GRID1: variants seen among roughly 807,000 people sequenced by gnomAD.
GRID1 encodes the protein glutamate receptor ionotropic, delta-1.
GRID1 carries 28 observed loss-of-function variants against 98.0 expected under a neutral mutation model. The observed-to-expected ratio is 0.29, with a 90% CI of 0.21 to 0.39. The LOEUF (loss-of-function observed/expected upper bound fraction) is 0.39, where lower values mean the gene tolerates loss of function less well. Among genes scored for constraint, GRID1 ranks in the 10% least tolerant of loss-of-function variants. The probability of loss-of-function intolerance (pLI) is 1.00; values close to 1 mark genes in which losing one functional copy is unlikely to be tolerated. For synonymous variants in GRID1, 553 were observed against 538.5 expected, an observed-to-expected ratio of 1.03 and a Z score of -0.37; for missense variants, 1,111 against 1,340.5, an observed-to-expected ratio of 0.83 and a Z score of 2.67.
At chr10:86,242,822 G>A (rs931521198) in intron 2 of GRID1, among the ~76,000 whole-genome samples, 2 of 152,148 alleles carry the variant, frequency 1.3e-5, no homozygotes, top group Non-Finnish European at 2.9e-5. Context: ...CCACAGATGA[G>A]GAAACTCAGG....
intron 4 of GRID1, among the ~76,000 whole-genome samples, chr10:85,996,585 C>A (rs1842740916): frequency 6.6e-6 from 1 of 151,930 alleles, no homozygotes; most frequent in Admixed American, 6.6e-5. Flanking sequence ...CATCAGGGAC[C>A]TATGAAACAA....
intron 2 of GRID1, among the ~76,000 whole-genome samples, chr10:86,233,607 G>A (rs551645826): frequency 6.6e-6 from 1 of 152,302 alleles, no homozygotes; most frequent in Non-Finnish European, 1.5e-5. Flanking sequence ...TGGTGGTAGA[G>A]GAGGTCACCC....
intron 2 of GRID1, among the ~76,000 whole-genome samples, chr10:86,269,013 G>A (rs1230407569): frequency 6.6e-6 from 1 of 151,972 alleles, no homozygotes; most frequent in African/African-American, 2.4e-5. Context: ...AAGAAAGATT[G>A]GGGTTTGGAA....
At chr10:85,715,930 G>A (rs991026729) in intron 12 of GRID1, among the ~76,000 whole-genome samples, 9 of 151,222 alleles carry the variant, frequency 6.0e-5, no homozygotes, top group Non-Finnish European at 1.0e-4. Context: ...CTTTTGAGAC[G>A]GAGTCTAACT....
At chr10:85,851,080 A>G (rs1464888473) in intron 8 of GRID1, among the ~76,000 whole-genome samples, 7 of 152,218 alleles carry the variant, frequency 4.6e-5, no homozygotes, top group African/African-American at 1.7e-4. Context: ...GGACACGTTC[A>G]TGGAATCCTC....
chr10:85,749,708 T>A lies in GRID1; in HGVS notation c.1234-20094A>T, dbSNP rs1025544143. On this transcript the variant is annotated intron_variant, in intron 8 of 15. Coordinates refer to ENST00000327946, the MANE Select transcript of GRID1 (RefSeq NM_017551.3). ...TCTAAAACAGCCACACTGGCCCACT[T>A]TCTGTTCCTCAGACAGTCCAAAACT... Among the ~76,000 whole-genome samples, 3 of 152,320 alleles carry A rather than the reference T, an allele frequency of 2.0e-5. No homozygotes were observed. In the East Asian group the frequency reaches 5.8e-4, roughly 29 times the overall value.
chr10:85,660,424 T>C (rs1489801426), intron 12 of GRID1, among the ~76,000 whole-genome samples: 1 of 152,176 alleles, frequency 6.6e-6, no homozygotes, highest in East Asian at 1.9e-4. Flanking sequence ...TGTTGGAAAG[T>C]ACACAGATGG....
At chr10:85,911,475 C>T (rs894684347) in intron 5 of GRID1, among the ~76,000 whole-genome samples, 1 of 152,178 alleles carries the variant, frequency 6.6e-6, no homozygotes, top group South Asian at 2.1e-4. Flanking sequence ...GGCCTGCTGA[C>T]TATACCTCCT....
rs79841046 is a variant in GRID1, at chr10:85,894,212, G to A, written c.780+21974C>T. Among the ~76,000 whole-genome samples the A allele has an allele frequency of 2.5e-3, 373 of 152,228 alleles. 3 individuals carry two copies. In the East Asian group the frequency reaches 0.063, roughly 26 times the overall value. ...GATTTTTGACAAAAGATCCAAAGTA[G>A]AAAGGATATTTTCAATGGCTGGTGC... On this transcript the variant is annotated intron_variant, in intron 5 of 15. Coordinates refer to ENST00000327946, the MANE Select transcript of GRID1 (RefSeq NM_017551.3).
At chr10:85,658,931 G>A (rs1215566540) in intron 12 of GRID1, among the ~76,000 whole-genome samples, 1 of 152,230 alleles carries the variant, frequency 6.6e-6, no homozygotes, top group Admixed American at 6.5e-5. Flanking sequence ...GAATAGGATT[G>A]CAGGACAATT....
At chr10:85,828,172 T>C (rs577281261) in intron 8 of GRID1, among the ~76,000 whole-genome samples, 25 of 152,250 alleles carry the variant, frequency 1.6e-4, no homozygotes, top group Admixed American at 1.1e-3. Flanking sequence ...TTAAACAACC[T>C]GCTCCCGAAT....
At chr10:85,976,625 C>T (rs1022459329) in intron 4 of GRID1, among the ~76,000 whole-genome samples, 1 of 152,236 alleles carries the variant, frequency 6.6e-6, no homozygotes, top group Non-Finnish European at 1.5e-5. Flanking sequence ...GTGCGTGCAC[C>T]TCCAGGAGGG....
At chr10:86,296,361 T>C (rs978163803) in intron 2 of GRID1, among the ~76,000 whole-genome samples, 1 of 152,254 alleles carries the variant, frequency 6.6e-6, no homozygotes, top group Non-Finnish European at 1.5e-5. Context: ...CATTTGCTTG[T>C]TAAGGTGGTG....
intron 4 of GRID1, among the ~76,000 whole-genome samples, chr10:85,961,549 T>G (rs4575204): frequency 0.019 from 2,881 of 151,396 alleles, 38 homozygotes; most frequent in South Asian, 0.036. Flanking sequence ...CCTTCCTTCT[T>G]CCCTTTCCTC....
At chr10:86,219,704 T>C (rs888133254) in intron 2 of GRID1, among the ~76,000 whole-genome samples, 9 of 152,198 alleles carry the variant, frequency 5.9e-5, no homozygotes, top group African/African-American at 9.7e-5. Context: ...CTTTCTGTTC[T>C]TTATATCTTT....
intron 4 of GRID1, among the ~76,000 whole-genome samples, chr10:85,989,359 T>C (rs1313287731): frequency 1.3e-5 from 2 of 152,164 alleles, no homozygotes; most frequent in African/African-American, 2.4e-5. Context: ...ACATGATTAA[T>C]ACAGAGGGGT....
Position 86,366,256 on chromosome 10 carries a change from AC to A in GRID1, c.79+57del, listed in dbSNP as rs2132126834. On this transcript the variant is annotated intron_variant, in intron 1 of 15. Transcript: ENST00000327946. The surrounding 1 kb of genome is among the most constrained non-coding windows in gnomAD (Gnocchi z 4.1). ...GAAACGCCAAGTTTGGACGCCGCGCACCCCCTGCCCCGTTGGGGCCCCCGCC... is the reference window on the plus strand; with the variant it reads ...GAAACGCCAAGTTTGGACGCCGCGCACCCCTGCCCCGTTGGGGCCCCCGCC... The A allele has an allele frequency of 1.6e-6, 2 of 1,235,646 alleles. No homozygotes were observed. Among genetic ancestry groups the A allele is most frequent in the Non-Finnish European group, 2.2e-6 (2 of 912,522 alleles). 76.5% of individuals were successfully genotyped at this position (1,235,646 alleles called of 1,614,324 possible).
chr10:85,997,266 A>G (rs1187467821), intron 4 of GRID1, among the ~76,000 whole-genome samples: 1 of 151,952 alleles, frequency 6.6e-6, no homozygotes, highest in East Asian at 1.9e-4. Context: ...TGGGTGTGGT[A>G]GTGGGCACCT....
intron 4 of GRID1, among the ~76,000 whole-genome samples, chr10:86,126,408 T>C (rs1434673977): frequency 6.6e-6 from 1 of 152,130 alleles, no homozygotes; most frequent in Non-Finnish European, 1.5e-5. Flanking sequence ...CGAGCTGAGA[T>C]CGTGCCTCTG....
Sources: gnomAD v4.1 joint callset for allele counts (sites outside exome capture counted in the v4.1 genomes callset) on GRCh38, gnomAD v4.1.1 for gene constraint, Gnocchi (gnomAD v3.1) non-coding constraint, MANE v1.5 for transcripts, NCBI Gene and HGNC (gene_info 2026-07-23, HGNC 2026-07-21) for gene names.